The following FSIP1 variants were observed in gnomAD, a reference collection of about 807,000 sequenced individuals.
FSIP1 encodes fibrous sheath-interacting protein 1.
Under a neutral mutation model 60.9 loss-of-function variants are expected in FSIP1, and 65 were observed. The ratio of observed to expected loss-of-function variants is 1.07; its 90% CI spans 0.87 to 1.31. The LOEUF is 1.31. Among genes scored for constraint, FSIP1 ranks in the 40% most tolerant of loss-of-function variants. The pLI is 0.00. For missense variants in FSIP1, 675 were observed against 665.5 expected (o/e 1.01, Z -0.16); for synonymous variants, 209 against 221.2 (o/e 0.94, Z 0.49).
At chr15:39,762,060 G>C (rs1335284705) in intron 5 of FSIP1, among the ~76,000 whole-genome samples, 1 of 152,140 alleles carries the variant, frequency 6.6e-6, no homozygotes, top group Non-Finnish European at 1.5e-5. Context: ...GTTATTCTCT[G>C]CATTGTGTTT....
rs142422775 is a variant in FSIP1, at chr15:39,617,722, C to T, written c.1699+13G>A. 1.3e-5 allele frequency: 21 copies of T among 1,598,058 alleles called. No individual in the cohort carries two copies. The highest frequency in any genetic ancestry group is 3.5e-5 in the Admixed American group (2 of 57,482). ...AGAATTATTTACCAAAACACATGTTCGCCAAGCCTCACCTGCTATTGTATT... is the reference window on the plus strand; with the variant it reads ...AGAATTATTTACCAAAACACATGTTTGCCAAGCCTCACCTGCTATTGTATT... On this transcript the variant is annotated intron_variant, in intron 11 of 11. Transcript: ENST00000350221.
intron 10 of FSIP1, among the ~76,000 whole-genome samples, chr15:39,672,336 A>G (rs1290566261): frequency 1.3e-5 from 2 of 152,208 alleles, no homozygotes; most frequent in Non-Finnish European, 2.9e-5. Context: ...CGTCCTCAAC[A>G]TTGTGATCAG....
At chr15:39,635,820 G>T (rs895988515) in intron 10 of FSIP1, among the ~76,000 whole-genome samples, 1 of 152,142 alleles carries the variant, frequency 6.6e-6, no homozygotes, top group African/African-American at 2.4e-5. Flanking sequence ...AGGTGCTGCT[G>T]CTTAAGCTCT....
intron 10 of FSIP1, among the ~76,000 whole-genome samples, chr15:39,701,698 T>C (rs1164317009): frequency 6.6e-6 from 1 of 152,228 alleles, no homozygotes; most frequent in Admixed American, 6.5e-5. Context: ...TTTCTTTAAA[T>C]ATATTAAACA....
At chr15:39,614,733 T>C (rs2140375509) in intron 11 of FSIP1, among the ~76,000 whole-genome samples, 1 of 151,994 alleles carries the variant, frequency 6.6e-6, no homozygotes, top group East Asian at 1.9e-4. Context: ...AAGTCATCTA[T>C]AGATTTAATG....
At chr15:39,749,706 A>C (rs1897108512) in intron 5 of FSIP1, among the ~76,000 whole-genome samples, 1 of 152,012 alleles carries the variant, frequency 6.6e-6, no homozygotes. Context: ...TTAACATCAT[A>C]ACCAAGGGGG....
At chr15:39,644,304 T>C (rs760134703) in intron 10 of FSIP1, among the ~76,000 whole-genome samples, 3 of 152,182 alleles carry the variant, frequency 2.0e-5, no homozygotes, top group Non-Finnish European at 4.4e-5. Flanking sequence ...GCCATGTCCG[T>C]ATCAATTAGG....
At chr15:39,725,734 T>C (rs1002539099) in intron 9 of FSIP1, among the ~76,000 whole-genome samples, 1 of 151,940 alleles carries the variant, frequency 6.6e-6, no homozygotes, top group African/African-American at 2.4e-5. Context: ...AGTACTAAAA[T>C]ATAGGGTTGA....
In FSIP1 at chr15:39,688,535, T is replaced by C. The variant is rs531784669; in HGVS notation, c.1188+24909A>G. Among the ~76,000 whole-genome samples, 17 of 152,306 alleles carry C rather than the reference T, an allele frequency of 1.1e-4. No individual in the cohort carries two copies. In the South Asian group the frequency reaches 3.5e-3, roughly 32 times the overall value. On this transcript the variant is annotated intron_variant, in intron 10 of 11. Transcript: ENST00000350221. ...CTGAATGCATATGGCTTTTGCACCATCATAAAGTTGAAAAATCATTAAATT... is the reference window on the plus strand; with the variant it reads ...CTGAATGCATATGGCTTTTGCACCACCATAAAGTTGAAAAATCATTAAATT...
intron 10 of FSIP1, among the ~76,000 whole-genome samples, chr15:39,691,256 AAAG>A (rs938914942): frequency 6.6e-6 from 1 of 152,248 alleles, no homozygotes; most frequent in African/African-American, 2.4e-5. Context: ...TTAGAAAAGA[AAAG>A]AAAAAAAGAA....
chr15:39,740,331 A>G (rs538746137), intron 6 of FSIP1, among the ~76,000 whole-genome samples: 1 of 152,256 alleles, frequency 6.6e-6, no homozygotes, highest in East Asian at 1.9e-4. Flanking sequence ...CAGTTGGCCA[A>G]TTTTCCTCAA....
At chr15:39,778,878 TGGAA>T (rs1042421374) in intron 1 of FSIP1, among the ~76,000 whole-genome samples, 20 of 152,058 alleles carry the variant, frequency 1.3e-4, no homozygotes, top group African/African-American at 4.8e-4. Flanking sequence ...TCTAACAGAC[TGGAA>T]GGAACATAAA....
At chr15:39,658,210 TA>T (rs2140447584) in intron 10 of FSIP1, among the ~76,000 whole-genome samples, 1 of 152,066 alleles carries the variant, frequency 6.6e-6, no homozygotes, top group African/African-American at 2.4e-5. Context: ...ACCAATATTA[TA>T]TAAGGAAATT....
chr15:39,691,905 T>C (rs1023095626), intron 10 of FSIP1, among the ~76,000 whole-genome samples: 6 of 152,140 alleles, frequency 3.9e-5, no homozygotes, highest in Non-Finnish European at 8.8e-5. Flanking sequence ...GAGCGAGTGA[T>C]AGATAGAGAA....
intron 10 of FSIP1, among the ~76,000 whole-genome samples, chr15:39,624,254 G>A (rs187589440): frequency 2.6e-5 from 4 of 152,264 alleles, no homozygotes; most frequent in African/African-American, 7.2e-5. Context: ...TATGAAGTAC[G>A]TAACCATCAG....
intron 10 of FSIP1, among the ~76,000 whole-genome samples, chr15:39,649,736 T>C (rs1361444114): frequency 1.3e-5 from 2 of 152,206 alleles, no homozygotes; most frequent in Non-Finnish European, 2.9e-5. Context: ...AAGCGTTCCC[T>C]GTCGGATCAA....
At position 39,770,446 on chromosome 15, in the gene FSIP1, C is replaced by G. The variant is rs1897841590; in HGVS notation, c.291G>C (p.Gln97His). The G allele has an allele frequency of 6.2e-7, 1 of 1,602,564 alleles. No homozygotes were observed. The highest frequency in any genetic ancestry group is 8.5e-7 in the Non-Finnish European group (1 of 1,176,886). Residue 97 changes from glutamine (Q) to histidine (H), a missense_variant, in exon 3 of 12, where the codon CAG becomes CAC. Coordinates refer to ENST00000350221, the MANE Select transcript of FSIP1 (RefSeq NM_152597.5). ...TCCTACCTGAACACTCAGAGATTAT[C>G]TGATGTTGAACCAAATCCAGATCTT... ...SDEDLDLVQH[Q>H]IISECSDEPK...
At chr15:39,736,261 C>T (rs1896604687) in intron 8 of FSIP1, among the ~76,000 whole-genome samples, 1 of 152,204 alleles carries the variant, frequency 6.6e-6, no homozygotes, top group Admixed American at 6.5e-5. Flanking sequence ...CCTCACCCAC[C>T]CCTTTCCCCT....
intron 10 of FSIP1, among the ~76,000 whole-genome samples, chr15:39,710,680 T>C (rs1159070567): frequency 1.3e-5 from 2 of 152,186 alleles, no homozygotes; most frequent in Non-Finnish European, 2.9e-5. Flanking sequence ...AAGGCAGTAA[T>C]AGCATAGTTA....
Sources: gnomAD v4.1 joint callset for allele counts (sites outside exome capture counted in the v4.1 genomes callset) on GRCh38, gnomAD v4.1.1 for gene constraint, MANE v1.5 for transcripts, NCBI Gene and HGNC (gene_info 2026-07-23, HGNC 2026-07-21) for gene names.